Variants in MGAT4C observed in about 807,000 individuals in gnomAD.
MGAT4C encodes the protein MGAT4 family member C, also known as alpha-1,3-mannosyl-glycoprotein 4-beta-N-acetylglucosaminyltransferase C.
In MGAT4C, 19 loss-of-function variants were observed where a neutral mutation model predicts 40.1. The ratio of observed to expected loss-of-function variants is 0.47; its 90% CI spans 0.33 to 0.70. The LOEUF (loss-of-function observed/expected upper bound fraction) is 0.70, where lower values mean the gene tolerates loss of function less well. Among genes scored for constraint, MGAT4C ranks in the 30% least tolerant of loss-of-function variants. The pLI, the probability that MGAT4C is intolerant of heterozygous loss-of-function variation, is 0.02. For missense variants in MGAT4C, 491 were observed against 563.2 expected, an observed-to-expected ratio of 0.87 and a Z score of 1.30; for synonymous variants, 181 against 187.1, an observed-to-expected ratio of 0.97 and a Z score of 0.27.
In MGAT4C at chr12:85,972,446, A is replaced by G. The variant is rs1883670215; in HGVS notation, c.*6843T>C. 1 of 150,908 alleles carries G rather than the reference A, an allele frequency of 6.6e-6. No homozygotes were observed. The highest frequency in any genetic ancestry group is 2.4e-5 in the African/African-American group (1 of 41,350). 9.3% of individuals were successfully genotyped at this position (150,908 alleles called of 1,614,324 possible). A position where few individuals can be genotyped will look rare whatever the true frequency, so the allele number is the denominator to read the frequency against. On this transcript the variant is annotated 3_prime_UTR_variant, in exon 5 of 5. Transcript: ENST00000611864. ...AGACTGATTTCTAAAACAAAAAAAA[A>G]GACTTTAGGAGTTTTAATTATTTTT...
intron 2 of MGAT4C, among the ~76,000 whole-genome samples, chr12:86,589,749 T>C (rs1445382879): frequency 6.6e-6 from 1 of 151,920 alleles, no homozygotes; most frequent in African/African-American, 2.4e-5. Flanking sequence ...GCTGGTTCAA[T>C]ATACGCAAAT....
chr12:86,006,543 A>G (rs1404850179), intron 2 of MGAT4C, among the ~76,000 whole-genome samples: 1 of 152,218 alleles, frequency 6.6e-6, no homozygotes, highest in African/African-American at 2.4e-5. Flanking sequence ...GGACTGACAA[A>G]GAATCTCTCC....
chr12:86,516,548 C>G (rs1177640647), intron 2 of MGAT4C, among the ~76,000 whole-genome samples: 2 of 151,880 alleles, frequency 1.3e-5, no homozygotes, highest in Non-Finnish European at 2.9e-5. Flanking sequence ...TTTTCTTGAC[C>G]TTGATTTAAG....
Position 85,984,403 on chromosome 12 carries a change from T to C in MGAT4C, c.148-733A>G, listed in dbSNP as rs561977652. Among the ~76,000 whole-genome samples the C allele has an allele frequency of 2.0e-5, 3 of 152,282 alleles. No homozygotes were observed. In the South Asian group the frequency reaches 6.2e-4, roughly 32 times the overall value. On this transcript the variant is annotated intron_variant, in intron 3 of 4. Coordinates refer to ENST00000611864, the MANE Select transcript of MGAT4C (RefSeq NM_001351288.2). Reference sequence around the variant, plus strand: ...GTGTGTGTGTGTGTGTGTGATTCTATTGGATGTAATGCCCGATCCTTTTAT... The same window carrying C: ...GTGTGTGTGTGTGTGTGTGATTCTACTGGATGTAATGCCCGATCCTTTTAT...
chr12:86,256,456 G>A (rs1952523188), upstream of MGAT4C: 1 of 152,156 alleles, frequency 6.6e-6, no homozygotes, highest in Non-Finnish European at 1.5e-5. Context: ...TCAACTGGGT[G>A]TACTCTCATT....
intron 2 of MGAT4C, among the ~76,000 whole-genome samples, chr12:86,446,690 T>C (rs1387875719): frequency 1.5e-5 from 2 of 130,094 alleles, no homozygotes; most frequent in East Asian, 2.2e-4. Context: ...TATATATATA[T>C]ATATATATAT....
chr12:86,110,402 C>T (rs1048336512), intron 1 of MGAT4C, among the ~76,000 whole-genome samples: 5 of 126,416 alleles, frequency 4.0e-5, no homozygotes, highest in Non-Finnish European at 6.7e-5. Context: ...ACTCTAAAGG[C>T]AAAGGCAGAA....
chr12:86,714,882 TAAG>T (rs1373256774), intron 2 of MGAT4C, among the ~76,000 whole-genome samples: 1 of 151,920 alleles, frequency 6.6e-6, no homozygotes, highest in Non-Finnish European at 1.5e-5. Context: ...AGAAATTATT[TAAG>T]AAGATATTAA....
chr12:86,435,055 TATAAAC>T (rs1376317180), intron 3 of MGAT4C: 2 of 151,938 alleles, frequency 1.3e-5, no homozygotes, highest in Non-Finnish European at 2.9e-5. Flanking sequence ...TTTTCTGACT[TATAAAC>T]ATATAACAGA....
chr12:85,990,841 T>C (rs965301049), intron 2 of MGAT4C, among the ~76,000 whole-genome samples: 1 of 152,348 alleles, frequency 6.6e-6, no homozygotes. Context: ...CACACATAGA[T>C]GCACATAAAT....
chr12:86,323,921 G>T (rs964379239), intron 4 of MGAT4C, among the ~76,000 whole-genome samples: 1 of 151,674 alleles, frequency 6.6e-6, no homozygotes, highest in African/African-American at 2.4e-5. Flanking sequence ...TTTATAAAAT[G>T]GTGAAATCAG....
chr12:86,725,469 T>A (rs1481439993), intron 2 of MGAT4C, among the ~76,000 whole-genome samples: 1 of 151,656 alleles, frequency 6.6e-6, no homozygotes, highest in East Asian at 1.9e-4. Context: ...TTTGTTTTGT[T>A]TTTTTGGTAG....
At chr12:86,338,991 A>AC (rs1566300952) in intron 3 of MGAT4C, among the ~76,000 whole-genome samples, 114 of 150,340 alleles carry the variant, frequency 7.6e-4, no homozygotes, top group African/African-American at 2.6e-3. Flanking sequence ...AACAGAGAGA[A>AC]AGAGAGAAAG....
intron 1 of MGAT4C, among the ~76,000 whole-genome samples, chr12:86,191,816 T>C (rs1889531043): frequency 1.5e-5 from 2 of 129,980 alleles, no homozygotes; most frequent in African/African-American, 5.7e-5. Context: ...ATAGAAACTT[T>C]CACAATAGCA....
At position 86,766,102 on chromosome 12, in the gene MGAT4C, T is replaced by G. The variant is rs202085891; in HGVS notation, c.-261-38861A>C. On this transcript the variant is annotated intron_variant, in intron 1 of 7. Transcript: ENST00000548651. ...TGGATAAAGAGTCAAAACCCATCAGTGTGCTGTATTCAGGAAACCCATCTC... is the reference window on the plus strand; with the variant it reads ...TGGATAAAGAGTCAAAACCCATCAGGGTGCTGTATTCAGGAAACCCATCTC... Among the ~76,000 whole-genome samples, 712 of 152,210 alleles carry G rather than the reference T, an allele frequency of 4.7e-3. 17 individuals are homozygous for G. The East Asian group carries it at 0.068, about 14-fold the overall frequency.
At chr12:86,443,883 C>G (rs1401996085) in intron 2 of MGAT4C, among the ~76,000 whole-genome samples, 1 of 152,148 alleles carries the variant, frequency 6.6e-6, no homozygotes, top group Admixed American at 6.6e-5. Context: ...CACATGCCAC[C>G]ATGCCCGGCC....
intron 3 of MGAT4C, among the ~76,000 whole-genome samples, chr12:86,345,752 C>T (rs559517549): frequency 6.6e-6 from 1 of 152,126 alleles, no homozygotes. Flanking sequence ...GATTTATAAT[C>T]CTTTGGGTAT....
At chr12:86,264,956 T>C (rs2465148) in intron 4 of MGAT4C, among the ~76,000 whole-genome samples, 129,303 of 152,210 alleles carry the variant, frequency 0.85, 54,987 homozygotes, top group East Asian at 0.95. Flanking sequence ...GACACCCTCT[T>C]TGGGGCTCTG....
intron 1 of MGAT4C, among the ~76,000 whole-genome samples, chr12:86,071,021 A>C (rs574627123): frequency 6.6e-6 from 1 of 152,196 alleles, no homozygotes; most frequent in Admixed American, 6.6e-5. Flanking sequence ...ATGAAATAAG[A>C]CAGATAGTCT....
Sources: gnomAD v4.1 joint callset for allele counts (sites outside exome capture counted in the v4.1 genomes callset) on GRCh38, gnomAD v4.1.1 for gene constraint, MANE v1.5 for transcripts, NCBI Gene and HGNC (gene_info 2026-07-23, HGNC 2026-07-21) for gene names.